Variants in S100PBP observed in about 807,000 individuals in gnomAD.
S100PBP encodes S100P-binding protein.
Under a neutral mutation model 39.9 loss-of-function variants are expected in S100PBP, and 15 were observed. The observed-to-expected ratio is 0.38, with a 90% CI of 0.25 to 0.58. The LOEUF (loss-of-function observed/expected upper bound fraction) is 0.58. Ranked by LOEUF, S100PBP falls within the 20% of genes least tolerant of loss-of-function variation. The pLI, the probability that S100PBP is intolerant of heterozygous loss-of-function variation, is 0.70. For missense variants in S100PBP, 504 were observed against 487.3 expected (o/e 1.03, Z -0.32); for synonymous variants, 178 against 180.3 (o/e 0.99, Z 0.10).
Position 32,826,904 on chromosome 1 carries a change from C to A in S100PBP, c.805C>A (p.Leu269Met), listed in dbSNP as rs1262001158. 1 of 1,593,908 alleles carries A rather than the reference C, an allele frequency of 6.3e-7. No individual in the cohort carries two copies. The highest frequency in any genetic ancestry group is 1.4e-5 in the African/African-American group (1 of 73,910). The change falls in exon 3 of 7, where the codon CTG (leucine) becomes ATG (methionine). Residue 269 changes from leucine to methionine, a missense_variant. Transcript: ENST00000373475. ...CAAGTCAAGTTGTGAAATGAGATCT[C>A]TGGTTGTTTCCACCTCATCAAACAA... ...SHKSSCEMRS[L>M]VVSTSSNKQD...
At chr1:32,829,482 A>G (rs1267147040) in intron 4 of S100PBP, among the ~76,000 whole-genome samples, 1 of 151,944 alleles carries the variant, frequency 6.6e-6, no homozygotes, top group Non-Finnish European at 1.5e-5. Context: ...ATTTTTTTAG[A>G]GACAGGGTCT....
At chr1:32,847,721 AG>A (rs1640440447) in intron 5 of S100PBP, 1 of 151,944 alleles carries the variant, frequency 6.6e-6, no homozygotes, top group Non-Finnish European at 1.5e-5. Context: ...GTTGACCTAG[AG>A]GTGACACATT....
At position 32,857,703 on chromosome 1, in the gene S100PBP, T is replaced by A. The variant is rs1640876948; in HGVS notation, c.*1665T>A. ...TATTGTTCATTCTCTGTGAAGGCTG[T>A]TCATAGTTGCTATAGCCTGTGTTTA... On this transcript the variant is annotated 3_prime_UTR_variant, in exon 7 of 7. Transcript: ENST00000373475. The A allele has an allele frequency of 6.6e-6, 1 of 152,258 alleles. No homozygotes were observed. The highest frequency in any genetic ancestry group is 6.5e-5 in the Admixed American group (1 of 15,284). 9.4% of individuals were successfully genotyped at this position (152,258 alleles called of 1,614,324 possible).
At chr1:32,837,736 G>A (rs964643379) in intron 5 of S100PBP, among the ~76,000 whole-genome samples, 2 of 151,682 alleles carry the variant, frequency 1.3e-5, no homozygotes, top group Non-Finnish European at 2.9e-5. Context: ...TTTATGTGAT[G>A]GAATCATACA....
chr1:32,833,507 G>A (rs1464383817), intron 5 of S100PBP, among the ~76,000 whole-genome samples: 1 of 151,786 alleles, frequency 6.6e-6, no homozygotes, highest in Non-Finnish European at 1.5e-5. Context: ...GACCACAGGC[G>A]CAGACAACCA....
intron 5 of S100PBP, among the ~76,000 whole-genome samples, chr1:32,841,710 CAA>C (rs1033442986): frequency 1.4e-5 from 1 of 74,008 alleles, no homozygotes; most frequent in Non-Finnish European, 2.5e-5. Flanking sequence ...GCCTGGGCAA[CAA>C]GAGCAAAACT....
Position 32,826,560 on chromosome 1 carries a change from C to G in S100PBP, c.461C>G (p.Thr154Arg). ...GTAACTGTTGCACCATTTAATCCAACAGTTTGTGATGCTCTGCTTGATAAG... is the reference window on the plus strand; with the variant it reads ...GTAACTGTTGCACCATTTAATCCAAGAGTTTGTGATGCTCTGCTTGATAAG... ...IKVTVAPFNP[T>R]VCDALLDKDE... The change falls in exon 3 of 7, where the codon ACA (threonine) becomes AGA (arginine). Residue 154 changes from threonine (T) to arginine (R), a missense_variant. Physicochemically the swap from Thr to Arg is moderately conservative, Grantham distance 71. Coordinates refer to ENST00000373475, the MANE Select transcript of S100PBP (RefSeq NM_022753.4). The G allele has an allele frequency of 6.2e-7, 1 of 1,613,864 alleles. No homozygotes were observed. The highest frequency in any genetic ancestry group is 8.5e-7 in the Non-Finnish European group (1 of 1,180,010).
intron 5 of S100PBP, 47 bp from the exon 6 acceptor site, chr1:32,853,032 C>T (rs1453896292): frequency 1.5e-6 from 2 of 1,322,556 alleles, no homozygotes; most frequent in East Asian, 4.6e-5. Flanking sequence ...CGTTGGCTGA[C>T]GTAGTTCACT....
intron 1 of S100PBP, among the ~76,000 whole-genome samples, chr1:32,821,835 C>T (rs143389469): frequency 4.2e-4 from 64 of 152,050 alleles, no homozygotes; most frequent in African/African-American, 1.5e-3. Flanking sequence ...AATGGGGTTC[C>T]GCCATGTTGG....
chr1:32,856,196 C>A lies in S100PBP; in HGVS notation c.*158C>A. The A allele has an allele frequency of 2.1e-6, 1 of 470,912 alleles. No homozygotes were observed. The highest frequency in any genetic ancestry group is 3.8e-6 in the Non-Finnish European group (1 of 261,234). The allele number at this position is 470,912 out of a possible 1,614,324, so 29.2% of individuals were successfully genotyped here. ...CGTCACCTTTTGGAAATGCCCATTG[C>A]CGACTTGAATTTTTTTGTATGAAGT... On this transcript the variant is annotated 3_prime_UTR_variant, in exon 7 of 7. Transcript: ENST00000373475.
At chr1:32,817,255 C>T (rs1638775523), upstream of S100PBP, 2 of 1,613,892 alleles carry the variant, frequency 1.2e-6, no homozygotes, top group Non-Finnish European at 1.7e-6. Context: ...GGCTCCGCTA[C>T]CCCTGCTTCC....
intron 1 of S100PBP, among the ~76,000 whole-genome samples, chr1:32,819,788 A>G (rs995060309): frequency 6.6e-6 from 1 of 152,124 alleles, no homozygotes; most frequent in African/African-American, 2.4e-5. Context: ...TTTTTTTAGT[A>G]TAGAACTTTT....
intron 5 of S100PBP, among the ~76,000 whole-genome samples, chr1:32,845,129 A>G (rs1276980411): frequency 6.6e-6 from 1 of 152,014 alleles, no homozygotes; most frequent in Admixed American, 6.6e-5. Flanking sequence ...GGTTCACGCC[A>G]TTCTCCTGCG....
At chr1:32,841,171 A>T (rs977030689) in intron 5 of S100PBP, among the ~76,000 whole-genome samples, 12 of 152,000 alleles carry the variant, frequency 7.9e-5, no homozygotes, top group African/African-American at 2.4e-4. Flanking sequence ...AAAAAAAAAA[A>T]AAATAAAAAA....
intron 5 of S100PBP, chr1:32,836,070 T>C (rs1639803352): frequency 6.6e-6 from 1 of 152,094 alleles, no homozygotes; most frequent in East Asian, 1.9e-4. Context: ...CATTTTGCAG[T>C]CCTACCAACA....
chr1:32,822,378 C>A (rs1009973870), intron 1 of S100PBP, among the ~76,000 whole-genome samples: 3 of 151,838 alleles, frequency 2.0e-5, no homozygotes, highest in African/African-American at 7.3e-5. Context: ...TTTGGGAGGC[C>A]GAGGCGGGCG....
chr1:32,852,218 C>A (rs527794514), intron 5 of S100PBP, among the ~76,000 whole-genome samples: 44 of 152,020 alleles, frequency 2.9e-4, no homozygotes, highest in Non-Finnish European at 1.5e-4. Context: ...GAGGCTGAGG[C>A]AGGGGAATCA....
chr1:32,851,982 T>C (rs751871124), intron 5 of S100PBP, among the ~76,000 whole-genome samples: 1 of 152,198 alleles, frequency 6.6e-6, no homozygotes, highest in Non-Finnish European at 1.5e-5. Context: ...CATTATTGCA[T>C]AGTGGCAAGG....
At chr1:32,845,987 T>A (rs1640356088) in intron 5 of S100PBP, among the ~76,000 whole-genome samples, 3 of 151,550 alleles carry the variant, frequency 2.0e-5, no homozygotes, top group Admixed American at 2.0e-4. Flanking sequence ...CCTTAATTAA[T>A]TTATTTTTTT....
Sources: gnomAD v4.1 joint callset for allele counts (sites outside exome capture counted in the v4.1 genomes callset) on GRCh38, gnomAD v4.1.1 for gene constraint, MANE v1.5 for transcripts, NCBI Gene and HGNC (gene_info 2026-07-23, HGNC 2026-07-21) for gene names.